PIGN: variants seen among roughly 807,000 people sequenced by gnomAD.
PIGN encodes GPI ethanolamine phosphate transferase 1.
PIGN carries 117 observed loss-of-function variants against 125.4 expected under a neutral mutation model. That is an observed-to-expected ratio of 0.93 (90% CI 0.80 to 1.09). The LOEUF (loss-of-function observed/expected upper bound fraction) is 1.09. Among genes scored for constraint, PIGN ranks in the 50% least tolerant of loss-of-function variants. PIGN has a pLI of 0.00. For missense variants in PIGN, 1,075 were observed against 1,094.9 expected, an observed-to-expected ratio of 0.98 and a Z score of 0.26; for synonymous variants, 392 against 377.8, an observed-to-expected ratio of 1.04 and a Z score of -0.44.
rs867242774 is a variant in PIGN at position 62,049,497 on chromosome 18, T to C, written c.2673-3518A>G. On this transcript the variant is annotated intron_variant, in intron 30 of 30. Transcript: ENST00000640252. ...CATGTGTTTTTTGGCTGCATAAATG[T>C]CTTCTTTTGAGAAGTGTCTGTCCAT... Among the ~76,000 whole-genome samples the C allele has an allele frequency of 4.9e-3, 748 of 152,114 alleles. 2 individuals are homozygous for C. Among genetic ancestry groups the C allele is most frequent in the African/African-American group, 0.017 (696 of 41,498 alleles).
At position 62,113,195 on chromosome 18, in the gene PIGN, G is replaced by C. The variant is rs768769793; in HGVS notation, c.1373C>G (p.Ala458Gly). 1 of 1,612,520 alleles carries C rather than the reference G, an allele frequency of 6.2e-7. No homozygotes were observed. Among genetic ancestry groups the C allele is most frequent in the Admixed American group, 1.7e-5 (1 of 59,908 alleles). The change falls in exon 16 of 31, where the codon GCC (alanine) becomes GGC (glycine). Residue 458 changes from alanine to glycine, a missense_variant. This residue lies in a region of PIGN where 915 missense variants were observed against 908.7 expected (regional missense o/e 1.01). Transcript: ENST00000640252. ...ATGAGACTTGATGATCAACAAAGAG[G>C]CATAAGATATCCATCCCACAAAACC... ...VIGFVGWISY[A>G]SLLIIKSHSN...
chr18:62,097,949 C>T (rs994162146), intron 22 of PIGN, among the ~76,000 whole-genome samples: 2 of 152,136 alleles, frequency 1.3e-5, no homozygotes, highest in Non-Finnish European at 2.9e-5. Context: ...CCCCCTAGTG[C>T]TCTAGAGGTT....
intron 1 of PIGN, chr18:62,184,595 GC>G (rs909224269): frequency 2.0e-5 from 3 of 152,160 alleles, no homozygotes; most frequent in African/African-American, 7.2e-5. Flanking sequence ...AGGATAGGAG[GC>G]AGAAATAGAA....
intron 1 of PIGN, among the ~76,000 whole-genome samples, chr18:62,178,889 A>G (rs2147946012): frequency 6.6e-6 from 1 of 152,220 alleles, no homozygotes; most frequent in East Asian, 1.9e-4. Context: ...AAAATCTTTT[A>G]TCTGTATCTC....
chr18:62,167,284 ATATGTGTGTGTGTG>A (rs1318682561), intron 1 of PIGN, among the ~76,000 whole-genome samples: 3 of 136,174 alleles, frequency 2.2e-5, no homozygotes, highest in African/African-American at 9.4e-5. Context: ...ATAGAGATAT[ATATGTGTGTGTGTG>A]TGTGTGTGTG....
chr18:62,156,986 T>C, intron 6 of PIGN, 143 bp downstream of exon 6: 1 of 516,760 alleles, frequency 1.9e-6, no homozygotes, highest in Non-Finnish European at 3.4e-6. Context: ...ATACTGTAAT[T>C]AAACATCCCT....
rs1319387737 is a variant in PIGN at position 62,113,280 on chromosome 18, T to C, written c.1288A>G (p.Lys430Glu). 6.2e-7 allele frequency: 1 copy of C among 1,611,564 alleles called. No individual in the cohort carries two copies. The highest frequency in any genetic ancestry group is 1.3e-5 in the African/African-American group (1 of 74,864). The change falls in exon 16 of 31, where the codon AAA (lysine) becomes GAA (glutamate). Residue 430 changes from lysine (K) to glutamate (E), a missense_variant. Lys to Glu is a moderately conservative substitution (Grantham distance 56). Transcript: ENST00000640252. ...TATGTGTGATAATAGGACAATCCTT[T>C]CAATGCAAGATGAATTAGCTCCTTG... ...LCKELIHLAL[K>E]GLSYYHTYDR...
At chr18:62,137,175 T>C (rs1278173092) in intron 14 of PIGN, 4 of 398,690 alleles carry the variant, frequency 1.0e-5, no homozygotes, top group South Asian at 2.5e-4. Context: ...CAGCCTCATA[T>C]TTCTCCTGCG....
At chr18:62,172,127 T>C (rs753152683) in intron 1 of PIGN, among the ~76,000 whole-genome samples, 8 of 152,152 alleles carry the variant, frequency 5.3e-5, no homozygotes, top group Non-Finnish European at 7.4e-5. Context: ...TCTTCACATA[T>C]ATAGATACAG....
rs751485479 is a variant in PIGN at position 62,090,556 on chromosome 18, C to A, written c.2203G>T (p.Val735Leu). The A allele has an allele frequency of 6.2e-7, 1 of 1,607,556 alleles. No individual in the cohort carries two copies. Among genetic ancestry groups the A allele is most frequent in the Non-Finnish European group, 8.5e-7 (1 of 1,175,410 alleles). ...STGYEALFPLVLSCLMFVWIN... is the reference protein window; with the variant it reads ...STGYEALFPLLLSCLMFVWIN... ...CAGACAAACATCAAACAAGACAACACTAGTGGAAAGAGAGCTTCATACCTA... is the reference window on the plus strand; with the variant it reads ...CAGACAAACATCAAACAAGACAACAATAGTGGAAAGAGAGCTTCATACCTA... The change falls in exon 24 of 31, where the codon GTG becomes TTG. Residue 735 changes from valine (V) to leucine (L), a missense_variant. By Grantham distance (32) the Val-to-Leu change is conservative (BLOSUM62 1). Around this residue, in one of 3 missense-constraint regions of PIGN, gnomAD observed 915 missense variants for 908.7 expected, o/e 1.01. Transcript: ENST00000640252.
intron 7 of PIGN, 40 bp from the exon 8 acceptor site, chr18:62,148,378 G>A: frequency 7.6e-7 from 1 of 1,313,516 alleles, no homozygotes; most frequent in Non-Finnish European, 1.0e-6. Context: ...TAGTTCATTT[G>A]TTTTATTTTA....
At chr18:62,032,922 A>G (rs906297082) in intron 23 of PIGN, among the ~76,000 whole-genome samples, 10 of 152,276 alleles carry the variant, frequency 6.6e-5, no homozygotes, top group African/African-American at 1.9e-4. Flanking sequence ...ATACAAACAC[A>G]TTCAATGTAT....
intron 8 of PIGN, among the ~76,000 whole-genome samples, chr18:62,147,437 T>C (rs1354168535): frequency 6.6e-6 from 1 of 152,216 alleles, no homozygotes; most frequent in Non-Finnish European, 1.5e-5. Flanking sequence ...ACATTACAAG[T>C]ATCATTTCAA....
intron 23 of PIGN, among the ~76,000 whole-genome samples, chr18:62,020,317 A>G (rs569539745): frequency 2.0e-4 from 31 of 152,196 alleles, no homozygotes; most frequent in African/African-American, 7.2e-4. Context: ...AAAATCCAAC[A>G]CTCTAGTACA....
rs79518890 is a variant in PIGN at position 62,134,949 on chromosome 18, C to A, written c.1172+3294G>T. Among the ~76,000 whole-genome samples the A allele has an allele frequency of 9.6e-3, 1,469 of 152,242 alleles. 45 individuals are homozygous for A. The highest frequency in any genetic ancestry group is 0.068 in the East Asian group (352 of 5,180). The stretch of plus-strand genomic sequence containing the variant: ...TATGCTTTCTATGTATACATCATGT[C>A]CTTAATTTCCTCCAGCTTCTTACTC... On this transcript the variant is annotated intron_variant, in intron 14 of 30. Transcript: ENST00000640252.
At chr18:62,035,854 G>T (rs1030446658) in intron 23 of PIGN, among the ~76,000 whole-genome samples, 1 of 152,120 alleles carries the variant, frequency 6.6e-6, no homozygotes, top group African/African-American at 2.4e-5. Flanking sequence ...GATTTAGAGT[G>T]CTTAACCAAA....
intron 14 of PIGN, among the ~76,000 whole-genome samples, chr18:62,132,381 AG>A (rs899120095): frequency 1.3e-5 from 2 of 152,210 alleles, no homozygotes; most frequent in Non-Finnish European, 2.9e-5. Flanking sequence ...AAATACCTCA[AG>A]GGGGAATGAA....
At chr18:62,031,313 A>C (rs1268523072) in intron 23 of PIGN, among the ~76,000 whole-genome samples, 1 of 152,196 alleles carries the variant, frequency 6.6e-6, no homozygotes, top group African/African-American at 2.4e-5. Context: ...TCCTTTATAA[A>C]TTACCCAGTC....
intron 21 of PIGN, 56 bp downstream of exon 21, chr18:62,102,738 A>G: frequency 1.3e-6 from 1 of 771,516 alleles, no homozygotes; most frequent in South Asian, 1.9e-5. Flanking sequence ...ATATAACCAT[A>G]AGACACATTT....
Sources: allele counts gnomAD v4.1 joint callset (sites outside exome capture counted in the v4.1 genomes callset), GRCh38; gene constraint gnomAD v4.1.1; regional missense constraint gnomAD v4.1.1; transcripts MANE v1.5; gene names NCBI Gene and HGNC (gene_info 2026-07-23, HGNC 2026-07-21).